The following INPP4B variants were observed in gnomAD, a reference collection of about 807,000 sequenced individuals.
The protein encoded by INPP4B is inositol polyphosphate 4-phosphatase type II.
In INPP4B, 55 loss-of-function variants were observed where a neutral mutation model predicts 122.5. The observed-to-expected ratio is 0.45, with a 90% confidence interval of 0.36 to 0.56. INPP4B has a LOEUF of 0.56. INPP4B is among the 20% of genes least tolerant of loss of function. The pLI is 0.00. For synonymous variants in INPP4B, 403 were observed against 388.7 expected (o/e 1.04, Z -0.43); for missense variants, 1,000 against 1,097.7 (o/e 0.91, Z 1.26).
At chr4:142,155,451 T>C (rs2152885841) in intron 17 of INPP4B, among the ~76,000 whole-genome samples, 1 of 152,254 alleles carries the variant, frequency 6.6e-6, no homozygotes, top group Non-Finnish European at 1.5e-5. Flanking sequence ...TAAACATGTT[T>C]TGTTCTCAAC....
At chr4:142,501,638 T>G (rs906632603) in intron 2 of INPP4B, among the ~76,000 whole-genome samples, 5 of 152,006 alleles carry the variant, frequency 3.3e-5, no homozygotes, top group African/African-American at 1.2e-4. Flanking sequence ...AAAAAAGAAC[T>G]AATGAAGGCA....
At chr4:142,125,922 A>C (rs1381127693) in intron 18 of INPP4B, among the ~76,000 whole-genome samples, 1 of 152,184 alleles carries the variant, frequency 6.6e-6, no homozygotes, top group African/African-American at 2.4e-5. Context: ...AGTTTTAAAG[A>C]TATAGACAAG....
At chr4:142,281,939 C>T (rs189733886) in intron 9 of INPP4B, among the ~76,000 whole-genome samples, 53 of 152,004 alleles carry the variant, frequency 3.5e-4, no homozygotes, top group African/African-American at 1.2e-3. Context: ...ACAGAAAATA[C>T]TAATTTACAA....
chr4:142,326,613 G>T (rs1167811838), intron 7 of INPP4B, among the ~76,000 whole-genome samples: 2 of 152,012 alleles, frequency 1.3e-5, no homozygotes, highest in Non-Finnish European at 2.9e-5. Flanking sequence ...AAAAATAATT[G>T]TACCATCATT....
chr4:142,099,045 T>G (rs1783344134), intron 23 of INPP4B, among the ~76,000 whole-genome samples: 2 of 152,072 alleles, frequency 1.3e-5, no homozygotes, highest in African/African-American at 4.8e-5. Context: ...AAGAAATAAC[T>G]ATGTCACACT....
intron 9 of INPP4B, among the ~76,000 whole-genome samples, chr4:142,271,146 G>GT (rs11374816): frequency 0.91 from 138,112 of 151,812 alleles, 63,064 homozygotes; most frequent in East Asian, 0.96. Flanking sequence ...TATTCTCCAT[G>GT]TGGTCAGGCT....
chr4:142,814,852 A>G (rs1952845555), intron 1 of INPP4B, among the ~76,000 whole-genome samples: 1 of 152,186 alleles, frequency 6.6e-6, no homozygotes. Flanking sequence ...GGGATGGAGC[A>G]TAAGTTCCCC....
intron 2 of INPP4B, among the ~76,000 whole-genome samples, chr4:142,529,815 G>A (rs1362477545): frequency 6.6e-6 from 1 of 151,960 alleles, no homozygotes; most frequent in Non-Finnish European, 1.5e-5. Flanking sequence ...ATATTAACTG[G>A]TAATGGGTGA....
At position 142,200,571 on chromosome 4, in the gene INPP4B, T is replaced by A. The variant is rs141190954; in HGVS notation, c.1073-7376A>T. 4.0e-3 allele frequency among the ~76,000 whole-genome samples: 606 copies of A among 151,200 alleles called. 16 individuals carry two copies. The highest frequency in any genetic ancestry group is 0.036 in the Admixed American group (551 of 15,200). ...TCTATTCTTTATTTTTCATTCTTTT[T>A]ATTATCATTTTTTATAATTTTATTG... is the stretch of plus-strand genomic sequence containing the variant. On this transcript the variant is annotated intron_variant, in intron 14 of 25. Transcript: ENST00000262992.
At chr4:142,724,047 T>G (rs1002493592) in intron 2 of INPP4B, among the ~76,000 whole-genome samples, 5 of 152,144 alleles carry the variant, frequency 3.3e-5, no homozygotes, top group African/African-American at 4.8e-5. Flanking sequence ...CATGCCAAAT[T>G]TTGGCAATAC....
intron 2 of INPP4B, among the ~76,000 whole-genome samples, chr4:142,529,059 G>A (rs1827273356): frequency 6.6e-6 from 1 of 151,972 alleles, no homozygotes; most frequent in Non-Finnish European, 1.5e-5. Flanking sequence ...GTGGGTTTTC[G>A]ATGTCGCAAA....
intron 25 of INPP4B, among the ~76,000 whole-genome samples, chr4:142,081,250 TC>T (rs1561049984): frequency 6.6e-6 from 1 of 152,164 alleles, no homozygotes; most frequent in Non-Finnish European, 1.5e-5. Flanking sequence ...CCAGAGCCTG[TC>T]CCATGCTTCC....
intron 5 of INPP4B, among the ~76,000 whole-genome samples, chr4:142,413,549 A>G (rs917849543): frequency 1.9e-4 from 29 of 152,336 alleles, no homozygotes; most frequent in Admixed American, 1.2e-3. Flanking sequence ...ATTATTAAAG[A>G]TAATACATAA....
intron 9 of INPP4B, among the ~76,000 whole-genome samples, chr4:142,302,093 C>A (rs1475666336): frequency 6.6e-6 from 1 of 152,218 alleles, no homozygotes; most frequent in African/African-American, 2.4e-5. Context: ...GGCAGCAAAC[C>A]AGATCGAGAT....
intron 20 of INPP4B, among the ~76,000 whole-genome samples, chr4:142,122,809 C>A (rs1797109828): frequency 6.6e-6 from 1 of 151,684 alleles, no homozygotes; most frequent in African/African-American, 2.4e-5. Context: ...CCAGTATATC[C>A]AAAATACCAT....
At chr4:142,456,437 C>T (rs368626637) in intron 3 of INPP4B, among the ~76,000 whole-genome samples, 4 of 151,894 alleles carry the variant, frequency 2.6e-5, no homozygotes, top group Non-Finnish European at 4.4e-5. Flanking sequence ...GTTCACTGTA[C>T]GTCTGTGGCT....
At chr4:142,123,057 A>G (rs991616066) in intron 20 of INPP4B, among the ~76,000 whole-genome samples, 1 of 152,126 alleles carries the variant, frequency 6.6e-6, no homozygotes, top group Non-Finnish European at 1.5e-5. Context: ...ATATTAAAAA[A>G]GCCAGATGGC....
At chr4:142,552,754 C>G (rs1728279970) in intron 2 of INPP4B, among the ~76,000 whole-genome samples, 1 of 152,188 alleles carries the variant, frequency 6.6e-6, no homozygotes, top group Non-Finnish European at 1.5e-5. Context: ...ATTACAGCAG[C>G]TCCACAGGTA....
intron 1 of INPP4B, among the ~76,000 whole-genome samples, chr4:142,779,404 A>G (rs1444389405): frequency 6.6e-6 from 1 of 152,162 alleles, no homozygotes. Context: ...GTTTACATGA[A>G]TTCATAACAT....
Sources: gnomAD v4.1 joint callset for allele counts (sites outside exome capture counted in the v4.1 genomes callset) on GRCh38, gnomAD v4.1.1 for gene constraint, MANE v1.5 for transcripts, NCBI Gene and HGNC (gene_info 2026-07-23, HGNC 2026-07-21) for gene names.